Variants in FOXP1 observed in about 807,000 individuals in gnomAD.
FOXP1 encodes the protein forkhead box P1.
FOXP1 carries 15 observed loss-of-function variants against 98.2 expected under a neutral mutation model. The observed-to-expected ratio is 0.15, with a 90% confidence interval of 0.10 to 0.24. The LOEUF (loss-of-function observed/expected upper bound fraction) is 0.24. FOXP1 is among the 10% of genes least tolerant of loss of function. FOXP1 has a pLI of 1.00. For synonymous variants in FOXP1, 371 were observed against 314.5 expected, an observed-to-expected ratio of 1.18 and a Z score of -1.90; for missense variants, 633 against 848.5, an observed-to-expected ratio of 0.75 and a Z score of 3.15.
chr3:71,409,784 C>T (rs2082598884), intron 3 of FOXP1, among the ~76,000 whole-genome samples: 1 of 152,170 alleles, frequency 6.6e-6, no homozygotes, highest in Non-Finnish European at 1.5e-5. Context: ...GAGGCTGAGG[C>T]AGGCGAATCA....
At chr3:71,343,676 G>A (rs929891012) in intron 4 of FOXP1, among the ~76,000 whole-genome samples, 1 of 150,130 alleles carries the variant, frequency 6.7e-6, no homozygotes, top group East Asian at 2.0e-4. Flanking sequence ...CTGCCTCTGA[G>A]ACTACAGGTG....
intron 16 of FOXP1, 100 bp downstream of exon 16, chr3:70,977,543 T>C: frequency 1.0e-6 from 1 of 994,444 alleles, no homozygotes; most frequent in Admixed American, 1.8e-5. Context: ...GGTTTCAGCA[T>C]GCTTGCATAC....
At chr3:71,523,987 A>G (rs1294354010) in intron 2 of FOXP1, among the ~76,000 whole-genome samples, 1 of 152,196 alleles carries the variant, frequency 6.6e-6, no homozygotes. Flanking sequence ...AAAACAATGT[A>G]TGTTACCAGC....
At chr3:71,423,396 G>A (rs7630905) in intron 3 of FOXP1, among the ~76,000 whole-genome samples, 64,925 of 152,102 alleles carry the variant, frequency 0.43, 15,681 homozygotes, top group Non-Finnish European at 0.56. Context: ...CTGAAGCGGT[G>A]TTCCTTTGGC....
intron 5 of FOXP1, among the ~76,000 whole-genome samples, chr3:71,286,429 A>G (rs560034153): frequency 4.6e-5 from 7 of 152,218 alleles, no homozygotes; most frequent in Non-Finnish European, 7.4e-5. Context: ...ATAGCAAAGA[A>G]GAGAACTTAA....
chr3:71,027,520 C>A (rs911606078), intron 11 of FOXP1, among the ~76,000 whole-genome samples: 2 of 152,126 alleles, frequency 1.3e-5, no homozygotes, highest in Admixed American at 1.3e-4. Context: ...GCACAAGATG[C>A]CTCATTAACA....
At chr3:71,036,168 C>T (rs1272262443) in intron 11 of FOXP1, among the ~76,000 whole-genome samples, 3 of 152,072 alleles carry the variant, frequency 2.0e-5, no homozygotes, top group Non-Finnish European at 2.9e-5. Context: ...ACTAGCCAGG[C>T]GGAAACCTTC....
Position 71,055,585 on chromosome 3 carries a change from G to C in FOXP1, c.283-1812C>G, listed in dbSNP as rs74684109. Among the ~76,000 whole-genome samples, 942 of 152,252 alleles carry C rather than the reference G, an allele frequency of 6.2e-3. 6 individuals are homozygous for C. The highest frequency in any genetic ancestry group is 0.019 in the African/African-American group (807 of 41,542). On this transcript the variant is annotated intron_variant, in intron 7 of 20. Coordinates refer to ENST00000649528, the MANE Select transcript of FOXP1 (RefSeq NM_001349338.3). Reference sequence around the variant, plus strand: ...ACAGTGAACTCGCATTCAGTTTAGGGCAAACACCAGGAAGACATTATCAAA... The same window carrying C: ...ACAGTGAACTCGCATTCAGTTTAGGCCAAACACCAGGAAGACATTATCAAA...
In FOXP1 at chr3:71,369,515, C is replaced by T. The variant is rs529102594; in HGVS notation, c.-167-10271G>A. 2.7e-3 allele frequency among the ~76,000 whole-genome samples: 404 copies of T among 152,340 alleles called. 1 individual carries two copies. The highest frequency in any genetic ancestry group is 9.4e-3 in the African/African-American group (391 of 41,588). On this transcript the variant is annotated intron_variant, in intron 3 of 20. Transcript: ENST00000649528. ...GTTCAAGCGATTCTCCTGCCTCAGC[C>T]TCCTAAGTAGCTGGGATTATAGGCA...
At chr3:71,298,750 A>G (rs1355802752) in intron 5 of FOXP1, among the ~76,000 whole-genome samples, 1 of 151,800 alleles carries the variant, frequency 6.6e-6, no homozygotes, top group Non-Finnish European at 1.5e-5. Flanking sequence ...TCCTTTATAT[A>G]TATGCATTCT....
At chr3:71,376,299 T>C (rs1057176294) in intron 3 of FOXP1, among the ~76,000 whole-genome samples, 3 of 152,174 alleles carry the variant, frequency 2.0e-5, no homozygotes, top group Non-Finnish European at 4.4e-5. Flanking sequence ...TCCCAAAAAG[T>C]TGCTGTACTG....
chr3:71,148,171 G>C (rs2060402401), intron 6 of FOXP1, among the ~76,000 whole-genome samples: 1 of 152,236 alleles, frequency 6.6e-6, no homozygotes, highest in African/African-American at 2.4e-5. Flanking sequence ...GAGGTCAGGA[G>C]TTCGAGACCA....
intron 4 of FOXP1, among the ~76,000 whole-genome samples, chr3:71,309,915 G>A (rs1261545227): frequency 6.6e-6 from 1 of 151,906 alleles, no homozygotes; most frequent in East Asian, 1.9e-4. Context: ...TTTAGATGTG[G>A]ACATAAAAAA....
intron 12 of FOXP1, among the ~76,000 whole-genome samples, chr3:71,003,242 CA>C (rs1162509509): frequency 6.6e-6 from 1 of 152,194 alleles, no homozygotes; most frequent in African/African-American, 2.4e-5. Context: ...AGTGGATCTA[CA>C]AGGGGTTGAA....
intron 3 of FOXP1, among the ~76,000 whole-genome samples, chr3:71,394,282 C>T (rs1008594548): frequency 2.0e-5 from 3 of 152,196 alleles, no homozygotes; most frequent in Non-Finnish European, 4.4e-5. Context: ...AGTCAACTCT[C>T]CTTTTTAAGC....
intron 7 of FOXP1, among the ~76,000 whole-genome samples, chr3:71,100,725 C>T (rs1435238832): frequency 1.3e-5 from 2 of 152,190 alleles, no homozygotes; most frequent in Admixed American, 1.3e-4. Context: ...GGACTCTGAA[C>T]TGTTATCAAA....
chr3:71,568,602 C>T lies in FOXP1; in HGVS notation c.-298+12947G>A, dbSNP rs117151372. ...AAATTTTAATTTTTCAATGGGCCAGCAGATTATACAGCTGGTCTTCTGCTT... is the reference window on the plus strand; with the variant it reads ...AAATTTTAATTTTTCAATGGGCCAGTAGATTATACAGCTGGTCTTCTGCTT... On this transcript the variant is annotated intron_variant, in intron 2 of 20. Coordinates refer to ENST00000649528, the MANE Select transcript of FOXP1 (RefSeq NM_001349338.3). Among the ~76,000 whole-genome samples the T allele has an allele frequency of 8.9e-3, 1,348 of 152,216 alleles. 49 individuals carry two copies. The highest frequency in any genetic ancestry group is 0.067 in the Admixed American group (1,018 of 15,288).
chr3:71,454,416 G>A (rs899327163), intron 3 of FOXP1, among the ~76,000 whole-genome samples: 7 of 152,266 alleles, frequency 4.6e-5, no homozygotes, highest in Admixed American at 4.6e-4. Context: ...AGAGAGACAG[G>A]TGTTCGATAG....
intron 5 of FOXP1, among the ~76,000 whole-genome samples, chr3:71,232,296 C>A (rs1330735294): frequency 1.3e-5 from 2 of 152,142 alleles, no homozygotes; most frequent in African/African-American, 2.4e-5. Context: ...CAGTGGCTGG[C>A]ACTCCTTGAG....
Sources: allele counts gnomAD v4.1 joint callset (sites outside exome capture counted in the v4.1 genomes callset), GRCh38; gene constraint gnomAD v4.1.1; transcripts MANE v1.5; gene names NCBI Gene and HGNC (gene_info 2026-07-23, HGNC 2026-07-21).